The following PARP8 variants were observed in gnomAD, a reference collection of about 807,000 sequenced individuals.
The protein encoded by PARP8 is protein mono-ADP-ribosyltransferase PARP8.
Under a neutral mutation model 124.1 loss-of-function variants are expected in PARP8, and 51 were observed. The ratio of observed to expected loss-of-function variants is 0.41; its 90% CI spans 0.33 to 0.52. The LOEUF (loss-of-function observed/expected upper bound fraction) is 0.52. Ranked by LOEUF, PARP8 falls within the 20% of genes least tolerant of loss-of-function variation. The probability of loss-of-function intolerance (pLI) is 0.21; values close to 1 mark genes in which losing one functional copy is unlikely to be tolerated. For missense variants in PARP8, 860 were observed against 1,018.9 expected, an observed-to-expected ratio of 0.84 and a Z score of 2.12; for synonymous variants, 391 against 361.5, an observed-to-expected ratio of 1.08 and a Z score of -0.93.
At chr5:50,757,643 C>CAAACGTATAAG (rs1760109589) in intron 3 of PARP8, among the ~76,000 whole-genome samples, 8 of 152,272 alleles carry the variant, frequency 5.3e-5, no homozygotes, top group Admixed American at 3.9e-4. Context: ...ATAATGCTGT[C>CAAACGTATAAG]TAGCCTATGC....
At chr5:50,772,919 G>T (rs778530292) in intron 7 of PARP8, among the ~76,000 whole-genome samples, 1 of 152,048 alleles carries the variant, frequency 6.6e-6, no homozygotes, top group Non-Finnish European at 1.5e-5. Context: ...GGCTGGTCTC[G>T]AACTCCTGAC....
intron 14 of PARP8, among the ~76,000 whole-genome samples, chr5:50,813,505 G>A (rs1185890472): frequency 6.6e-6 from 1 of 152,092 alleles, no homozygotes; most frequent in Non-Finnish European, 1.5e-5. Flanking sequence ...GAGACGATGG[G>A]GTTTTCTAAA....
intron 25 of PARP8, among the ~76,000 whole-genome samples, chr5:50,837,823 CA>C (rs1266394468): frequency 6.6e-6 from 1 of 151,200 alleles, no homozygotes; most frequent in African/African-American, 2.4e-5. Context: ...ATTAGAAGTT[CA>C]AAAAATTTTT....
intron 2 of PARP8, among the ~76,000 whole-genome samples, chr5:50,733,207 T>C (rs1757152605): frequency 6.6e-6 from 1 of 151,614 alleles, no homozygotes; most frequent in South Asian, 2.1e-4. Context: ...AGCAGGGGAA[T>C]TGCTTGAACC....
chr5:50,748,795 T>G (rs1301306160), intron 2 of PARP8, among the ~76,000 whole-genome samples: 1 of 152,214 alleles, frequency 6.6e-6, no homozygotes, highest in Non-Finnish European at 1.5e-5. Context: ...TTTGACTGCA[T>G]GTACCTAGGT....
chr5:50,666,808 C>A lies in PARP8; in HGVS notation c.-288C>A. The A allele has an allele frequency of 8.5e-7, 1 of 1,180,298 alleles. No individual in the cohort carries two copies. The highest frequency in any genetic ancestry group is 1.1e-6 in the Non-Finnish European group (1 of 921,980). The allele number at this position is 1,180,298 out of a possible 1,614,324, so 73.1% of individuals were successfully genotyped here. On this transcript the variant is annotated 5_prime_UTR_variant, in exon 1 of 26. Coordinates refer to ENST00000281631, the MANE Select transcript of PARP8 (RefSeq NM_024615.4). Reference sequence around the variant, plus strand: ...TGAGGGAGAAAGTGAGACTTGGTGTCATCACCATCCATTGTCAGAAGGGGA... The same window carrying A: ...TGAGGGAGAAAGTGAGACTTGGTGTAATCACCATCCATTGTCAGAAGGGGA...
At chr5:50,811,459 G>A (rs1744433207) in intron 14 of PARP8, among the ~76,000 whole-genome samples, 1 of 152,068 alleles carries the variant, frequency 6.6e-6, no homozygotes, top group African/African-American at 2.4e-5. Context: ...TGGTGACAAA[G>A]TGTGTTGATA....
chr5:50,705,746 G>A (rs1367991029), intron 2 of PARP8, among the ~76,000 whole-genome samples: 1 of 152,168 alleles, frequency 6.6e-6, no homozygotes, highest in African/African-American at 2.4e-5. Context: ...TCAAGCCACT[G>A]CACTCCAGCC....
chr5:50,712,415 C>T (rs1424418089), intron 2 of PARP8, among the ~76,000 whole-genome samples: 1 of 152,088 alleles, frequency 6.6e-6, no homozygotes, highest in African/African-American at 2.4e-5. Flanking sequence ...ATGGCAGAAA[C>T]TAACAGGAGC....
intron 14 of PARP8, among the ~76,000 whole-genome samples, chr5:50,812,829 A>G (rs1382018673): frequency 2.0e-5 from 3 of 152,196 alleles, no homozygotes; most frequent in Admixed American, 2.0e-4. Context: ...CAGTTTTCCC[A>G]GCACCATTTA....
In PARP8 at chr5:50,688,503, G is replaced by GTAAA. The variant is rs1171804600; in HGVS notation, c.146+20379_146+20380insAAAT. ...GAACAAACTCCTTCCAATGCATGTG[G>GTAAA]TGGGGATAATGATATGTAAATATTT... On this transcript the variant is annotated intron_variant, in intron 2 of 25. Transcript: ENST00000281631. Among the ~76,000 whole-genome samples the GTAAA allele has an allele frequency of 1.9e-3, 296 of 152,298 alleles. 3 individuals are homozygous for GTAAA. Among genetic ancestry groups the GTAAA allele is most frequent in the African/African-American group, 6.7e-3 (280 of 41,548 alleles).
intron 2 of PARP8, among the ~76,000 whole-genome samples, chr5:50,732,700 G>A (rs2697661): frequency 6.6e-6 from 1 of 151,664 alleles, no homozygotes; most frequent in Non-Finnish European, 1.5e-5. Flanking sequence ...CTCACTGCAA[G>A]CTCCGCCACC....
At chr5:50,778,675 A>G in intron 9 of PARP8, 25 bp downstream of exon 9, 1 of 1,475,768 alleles carries the variant, frequency 6.8e-7, no homozygotes, top group South Asian at 1.3e-5. Flanking sequence ...TTTATTTATT[A>G]TTTTGAATAT....
At position 50,843,349 on chromosome 5, in the gene PARP8, G is replaced by A. The variant is rs563363298; in HGVS notation, c.*1281G>A. Reference sequence around the variant, plus strand: ...CCACTCTATTCAAACCCTGAATCAAGGCTCTATCTGATTTTAATTTATGTA... The same window carrying A: ...CCACTCTATTCAAACCCTGAATCAAAGCTCTATCTGATTTTAATTTATGTA... On this transcript the variant is annotated 3_prime_UTR_variant, in exon 26 of 26. Coordinates refer to ENST00000281631, the MANE Select transcript of PARP8 (RefSeq NM_024615.4). 6.6e-6 allele frequency: 1 copy of A among 151,418 alleles called. No individual in the cohort carries two copies. The highest frequency in any genetic ancestry group is 2.4e-5 in the African/African-American group (1 of 41,268). The allele number at this position is 151,418 out of a possible 1,614,324, so 9.4% of individuals were successfully genotyped here.
chr5:50,713,181 T>C (rs1299116543), intron 2 of PARP8, among the ~76,000 whole-genome samples: 2 of 152,110 alleles, frequency 1.3e-5, no homozygotes, highest in Non-Finnish European at 2.9e-5. Flanking sequence ...AAGTTAATTA[T>C]CCAAAGGACT....
intron 9 of PARP8, among the ~76,000 whole-genome samples, chr5:50,783,469 G>T (rs549333286): frequency 6.6e-6 from 1 of 152,132 alleles, no homozygotes; most frequent in East Asian, 1.9e-4. Flanking sequence ...ATGCTATCGT[G>T]CTATAGATTT....
intron 2 of PARP8, among the ~76,000 whole-genome samples, chr5:50,701,169 C>T (rs532103127): frequency 6.6e-6 from 1 of 152,186 alleles, no homozygotes; most frequent in Admixed American, 6.5e-5. Flanking sequence ...TGACAGCCTA[C>T]GTTGTTGACT....
chr5:50,677,127 C>A lies in PARP8; in HGVS notation c.146+9002C>A, dbSNP rs79725563. On this transcript the variant is annotated intron_variant, in intron 2 of 25. Transcript: ENST00000281631. ...TGGAAATCAGTGTGCAAAATCTTAACGGAGTGAATTCTTGATTGTTGATAT... is the reference window on the plus strand; with the variant it reads ...TGGAAATCAGTGTGCAAAATCTTAAAGGAGTGAATTCTTGATTGTTGATAT... Among the ~76,000 whole-genome samples, 22 of 152,138 alleles carry A rather than the reference C, an allele frequency of 1.4e-4. No individual in the cohort carries two copies. In the East Asian group the frequency reaches 4.2e-3, roughly 29 times the overall value.
intron 2 of PARP8, among the ~76,000 whole-genome samples, chr5:50,669,764 T>C (rs1387040890): frequency 6.6e-6 from 1 of 152,226 alleles, no homozygotes; most frequent in African/African-American, 2.4e-5. Flanking sequence ...TGGTTGCTCT[T>C]AAAGTAAGAG....
Sources: allele counts gnomAD v4.1 joint callset (sites outside exome capture counted in the v4.1 genomes callset), GRCh38; gene constraint gnomAD v4.1.1; transcripts MANE v1.5; gene names NCBI Gene and HGNC (gene_info 2026-07-23, HGNC 2026-07-21).